Variants in PDE4D observed in about 807,000 individuals in gnomAD.
The protein encoded by PDE4D is phosphodiesterase 4D, also known as 3',5'-cyclic-AMP phosphodiesterase 4D.
PDE4D carries 24 observed loss-of-function variants against 87.4 expected under a neutral mutation model. That is an observed-to-expected ratio of 0.27 (90% CI 0.20 to 0.39). PDE4D has a LOEUF of 0.39. PDE4D is among the 10% of genes least tolerant of loss of function. PDE4D has a pLI of 1.00. For missense variants in PDE4D, 714 were observed against 1,041.0 expected, an observed-to-expected ratio of 0.69 and a Z score of 4.32; for synonymous variants, 384 against 383.2, an observed-to-expected ratio of 1.00 and a Z score of -0.02.
intron 1 of PDE4D, among the ~76,000 whole-genome samples, chr5:60,249,947 T>C (rs1748239742): frequency 6.6e-6 from 1 of 152,012 alleles, no homozygotes; most frequent in East Asian, 1.9e-4. Context: ...TGGGAGACAT[T>C]TAAAATGACT....
intron 1 of PDE4D, among the ~76,000 whole-genome samples, chr5:59,708,404 A>G (rs1406350364): frequency 6.6e-6 from 1 of 152,196 alleles, no homozygotes; most frequent in Admixed American, 6.5e-5. Flanking sequence ...AAATTAATAG[A>G]TAGACTACTA....
At chr5:60,193,890 C>A (rs1199132485) in intron 1 of PDE4D, among the ~76,000 whole-genome samples, 1 of 151,288 alleles carries the variant, frequency 6.6e-6, no homozygotes, top group Non-Finnish European at 1.5e-5. Context: ...CCTCACCCAG[C>A]TTACTCTCCC....
chr5:60,412,554 G>A (rs933363997), intron 1 of PDE4D, among the ~76,000 whole-genome samples: 7 of 152,106 alleles, frequency 4.6e-5, no homozygotes, highest in East Asian at 1.9e-4. Flanking sequence ...CTCGTTCTTC[G>A]ATGCTTAGTT....
chr5:59,052,839 C>T (rs901403584), intron 5 of PDE4D, among the ~76,000 whole-genome samples: 1 of 152,144 alleles, frequency 6.6e-6, no homozygotes, highest in African/African-American at 2.4e-5. Context: ...ATATCTCTAT[C>T]TTTTTTGGCG....
chr5:59,198,340 CATGT>C lies in PDE4D; in HGVS notation c.648-4808_648-4805del, dbSNP rs796972558. Among the ~76,000 whole-genome samples, 62 of 152,194 alleles carry C rather than the reference CATGT, an allele frequency of 4.1e-4. 1 individual carries two copies. Among genetic ancestry groups the C allele is most frequent in the African/African-American group, 1.2e-3 (51 of 41,538 alleles). ...GTATGTATGTATGCACACATGTATA[CATGT>C]ATGTATGTATGCACATATGTATGTA... On this transcript the variant is annotated intron_variant, in intron 2 of 14. Transcript: ENST00000340635.
chr5:60,356,236 T>C (rs1759609938), intron 1 of PDE4D, among the ~76,000 whole-genome samples: 1 of 152,188 alleles, frequency 6.6e-6, no homozygotes, highest in South Asian at 2.1e-4. Flanking sequence ...GTGTTCTCAC[T>C]GACAAAACAG....
chr5:60,319,816 A>C (rs1449006186), intron 1 of PDE4D, among the ~76,000 whole-genome samples: 1 of 152,172 alleles, frequency 6.6e-6, no homozygotes, highest in Non-Finnish European at 1.5e-5. Context: ...TGAGCAGCAA[A>C]TGTTGCTGCC....
At chr5:59,867,379 T>G (rs1020654690) in intron 1 of PDE4D, among the ~76,000 whole-genome samples, 1 of 152,058 alleles carries the variant, frequency 6.6e-6, no homozygotes, top group African/African-American at 2.4e-5. Context: ...AAAAATAAAA[T>G]TAAAACTGCA....
In PDE4D at chr5:60,478,344, C is replaced by G. The variant is rs188459251; in HGVS notation, c.-90+9598G>C. 1.2e-3 allele frequency among the ~76,000 whole-genome samples: 187 copies of G among 152,220 alleles called. 1 individual carries two copies. Among genetic ancestry groups the G allele is most frequent in the African/African-American group, 4.4e-3 (184 of 41,558 alleles). On this transcript the variant is annotated intron_variant, in intron 1 of 16. Transcript: ENST00000502484. The stretch of plus-strand genomic sequence containing the variant: ...TTTTTTTACAAGTATAAATAACTTA[C>G]ACTGAGTAAGCTGTCTGGTTTTCTT...
At chr5:60,345,566 CAAAA>C (rs529743142) in intron 1 of PDE4D, among the ~76,000 whole-genome samples, 1 of 124,504 alleles carries the variant, frequency 8.0e-6, no homozygotes, top group Non-Finnish European at 1.8e-5. Flanking sequence ...CTTCCCTCTC[CAAAA>C]AAAAAAAAAA....
At chr5:60,030,397 C>T (rs973884662) in intron 2 of PDE4D, among the ~76,000 whole-genome samples, 2 of 152,126 alleles carry the variant, frequency 1.3e-5, no homozygotes, top group East Asian at 3.9e-4. Context: ...TTGCAGTGAG[C>T]CGAGATTGCG....
At chr5:59,755,506 G>A (rs2150748093) in intron 1 of PDE4D, among the ~76,000 whole-genome samples, 1 of 152,250 alleles carries the variant, frequency 6.6e-6, no homozygotes, top group East Asian at 1.9e-4. Flanking sequence ...CAATGTGTTA[G>A]TGAAACTGCT....
At chr5:59,270,796 G>GGCAACAAGCTGAAGA (rs1763668206) in intron 1 of PDE4D, among the ~76,000 whole-genome samples, 1 of 152,108 alleles carries the variant, frequency 6.6e-6, no homozygotes, top group East Asian at 1.9e-4. Context: ...AGTAGAGGAA[G>GGCAACAAGCTGAAGA]GCAACAAGCT....
rs193085831 is a variant in PDE4D, at chr5:60,320,570, C to T, written c.-89-134883G>A. 5.8e-3 allele frequency among the ~76,000 whole-genome samples: 884 copies of T among 152,260 alleles called. 7 individuals carry two copies. Among genetic ancestry groups the T allele is most frequent in the African/African-American group, 0.021 (852 of 41,548 alleles). ...TGCAGAAATCACCCATCTTCTGCAT[C>T]GCTCACGCTGGGAGCTTTAGACTGG... is the stretch of plus-strand genomic sequence containing the variant. On this transcript the variant is annotated intron_variant, in intron 1 of 16. Transcript: ENST00000502484.
At position 59,188,451 on chromosome 5, in the gene PDE4D, T is replaced by C. The variant is rs114000296; in HGVS notation, c.685-3189A>G. ...ATTTACGTACACTACTCTCGGATCT[T>C]CTTAGGTGCTTCTAAACATTTATTA... On this transcript the variant is annotated intron_variant, in intron 3 of 14. Transcript: ENST00000340635. 5.1e-3 allele frequency among the ~76,000 whole-genome samples: 776 copies of C among 152,284 alleles called. 11 individuals are homozygous for C. The highest frequency in any genetic ancestry group is 5.0e-3 in the Non-Finnish European group (343 of 68,010).
At chr5:59,559,189 T>C (rs1158932565) in intron 1 of PDE4D, among the ~76,000 whole-genome samples, 1 of 152,206 alleles carries the variant, frequency 6.6e-6, no homozygotes, top group African/African-American at 2.4e-5. Context: ...CTGTCCATCC[T>C]TCACCTTATG....
chr5:59,559,584 A>T (rs1244333314), intron 1 of PDE4D, among the ~76,000 whole-genome samples: 1 of 152,136 alleles, frequency 6.6e-6, no homozygotes, highest in Non-Finnish European at 1.5e-5. Context: ...TCTACATGAA[A>T]CTTCCTGATG....
intron 1 of PDE4D, among the ~76,000 whole-genome samples, chr5:60,422,292 G>C (rs1743190132): frequency 6.6e-6 from 1 of 152,220 alleles, no homozygotes; most frequent in South Asian, 2.1e-4. Context: ...GGCAGCCAGA[G>C]AGAAAGGTCG....
intron 2 of PDE4D, among the ~76,000 whole-genome samples, chr5:60,183,032 G>A (rs1316696175): frequency 1.3e-5 from 2 of 152,152 alleles, no homozygotes; most frequent in Non-Finnish European, 2.9e-5. Flanking sequence ...ATTCATGAAG[G>A]TGGGGCCCTA....
Sources: gnomAD v4.1 joint callset for allele counts (sites outside exome capture counted in the v4.1 genomes callset) on GRCh38, gnomAD v4.1.1 for gene constraint, MANE v1.5 for transcripts, NCBI Gene and HGNC (gene_info 2026-07-23, HGNC 2026-07-21) for gene names.